Variants in PRKCZ observed in about 807,000 individuals in gnomAD.
The protein encoded by PRKCZ is protein kinase C zeta type.
Under a neutral mutation model 79.5 loss-of-function variants are expected in PRKCZ, and 33 were observed. The observed-to-expected ratio is 0.41, with a 90% CI of 0.31 to 0.55. PRKCZ has a LOEUF of 0.55. PRKCZ is among the 20% of genes least tolerant of loss of function. The probability of loss-of-function intolerance (pLI) is 0.19; values close to 1 mark genes in which losing one functional copy is unlikely to be tolerated. For synonymous variants in PRKCZ, 342 were observed against 320.9 expected, an observed-to-expected ratio of 1.07 and a Z score of -0.70; for missense variants, 578 against 813.5, an observed-to-expected ratio of 0.71 and a Z score of 3.52.
chr1:2,137,503 C>G (rs1265645916), intron 5 of PRKCZ, among the ~76,000 whole-genome samples: 1 of 152,248 alleles, frequency 6.6e-6, no homozygotes. Context: ...GCCCTCCTTC[C>G]CCCGCAGCCA....
At chr1:2,074,032 T>C in intron 4 of PRKCZ, 1 of 1,433,464 alleles carries the variant, frequency 7.0e-7, no homozygotes, top group Non-Finnish European at 9.1e-7. Flanking sequence ...GAGTCAGCAT[T>C]TTGGGTCTGA....
At chr1:2,107,545 T>G (rs1387574794) in intron 4 of PRKCZ, among the ~76,000 whole-genome samples, 1 of 152,208 alleles carries the variant, frequency 6.6e-6, no homozygotes, top group Non-Finnish European at 1.5e-5. Flanking sequence ...GGGGCTTTTT[T>G]GGGATCAGTT....
chr1:2,127,223 C>T lies in PRKCZ; in HGVS notation c.335-8039C>T, dbSNP rs1674091957. 6.6e-6 allele frequency among the ~76,000 whole-genome samples: 1 copy of T among 152,266 alleles called. No homozygotes were observed. The highest frequency in any genetic ancestry group is 1.5e-5 in the Non-Finnish European group (1 of 68,050). ...GCCACAGTGGTGCCCAAAACCTTTT[C>T]CAAGTCGTCTTCTGTGACTTTAGTG... On this transcript the variant is annotated intron_variant, in intron 4 of 17. Transcript: ENST00000378567. The surrounding 1 kb of genome is among the most constrained non-coding windows in gnomAD (Gnocchi z 5.1).
At chr1:2,179,395 C>T (rs1364419859) in intron 16 of PRKCZ, among the ~76,000 whole-genome samples, 1 of 152,218 alleles carries the variant, frequency 6.6e-6, no homozygotes, top group Non-Finnish European at 1.5e-5. Flanking sequence ...TCCCCATCCC[C>T]GCAGGATCCC....
At chr1:2,175,156 C>G (rs971833560) in intron 15 of PRKCZ, 68 bp from the exon 16 acceptor site, 3 of 1,400,790 alleles carry the variant, frequency 2.1e-6, no homozygotes, top group Admixed American at 1.7e-5. Flanking sequence ...GAGTGGCCAC[C>G]AAGGAGAGGG....
intron 4 of PRKCZ, among the ~76,000 whole-genome samples, chr1:2,089,842 A>G (rs1321153850): frequency 6.6e-6 from 1 of 151,906 alleles, no homozygotes; most frequent in Non-Finnish European, 1.5e-5. Context: ...CGGTGGGAGG[A>G]CCTCTTGAGT....
intron 10 of PRKCZ, among the ~76,000 whole-genome samples, chr1:2,157,050 C>T (rs1681199236): frequency 6.6e-6 from 1 of 152,216 alleles, no homozygotes; most frequent in Admixed American, 6.5e-5. Flanking sequence ...GCTTGAAGGC[C>T]TGAGAGCCAG....
In PRKCZ at chr1:2,174,108, T is replaced by C; in HGVS notation, c.1405+92T>C. The C allele has an allele frequency of 6.9e-7, 1 of 1,442,958 alleles. No homozygotes were observed. The highest frequency in any genetic ancestry group is 1.4e-5 in the South Asian group (1 of 71,526). The allele number at this position is 1,442,958 out of a possible 1,614,324, so 89.4% of individuals were successfully genotyped here. A position where few individuals can be genotyped will look rare whatever the true frequency, so the allele number is the denominator to read the frequency against. ...CAGGTGGAGGGGTCCCGCGGGTGCC[T>C]GGAGCGGCAGTGCCATGCAAAGCGT... is the stretch of plus-strand genomic sequence containing the variant. On this transcript the variant is annotated intron_variant, in intron 14 of 17. Coordinates refer to ENST00000378567, the MANE Select transcript of PRKCZ (RefSeq NM_002744.6). The surrounding 1 kb of genome is among the most constrained non-coding windows in gnomAD (Gnocchi z 6.2).
chr1:2,109,136 A>G (rs1669202776), intron 4 of PRKCZ, among the ~76,000 whole-genome samples: 1 of 152,186 alleles, frequency 6.6e-6, no homozygotes, highest in African/African-American at 2.4e-5. Flanking sequence ...ATCGTCTGCA[A>G]AGTCCCGTAT....
At chr1:2,155,271 GTGGTGGTGATGATGA>G (rs1232908494) in intron 9 of PRKCZ, among the ~76,000 whole-genome samples, 7 of 147,258 alleles carry the variant, frequency 4.8e-5, no homozygotes, top group Non-Finnish European at 8.9e-5. Context: ...GAGGATGACG[GTGGTGGTGATGATGA>G]TGGTAGTGGT....
At chr1:2,058,306 ATTT>A (rs35722361) in intron 3 of PRKCZ, among the ~76,000 whole-genome samples, 14 of 125,320 alleles carry the variant, frequency 1.1e-4, no homozygotes, top group African/African-American at 2.5e-4. Context: ...CCCGGCCCCA[ATTT>A]TTTTTTTTTT....
rs1214720514 is a variant in PRKCZ at position 2,177,052 on chromosome 1, T to C, written c.1575+1739T>C. The stretch of plus-strand genomic sequence containing the variant: ...GAAGAGATCTGCCTTTGGTTCTAAC[T>C]GTCAGTCATCCTCACGCCCAGGCCG... On this transcript the variant is annotated intron_variant, in intron 16 of 17. Transcript: ENST00000378567. The surrounding 1 kb of genome is among the most constrained non-coding windows in gnomAD (Gnocchi z 6.4). Among the ~76,000 whole-genome samples the C allele has an allele frequency of 6.6e-6, 1 of 152,234 alleles. No homozygotes were observed. The highest frequency in any genetic ancestry group is 1.5e-5 in the Non-Finnish European group (1 of 68,030).
intron 11 of PRKCZ, chr1:2,171,728 C>T (rs529875347): frequency 9.6e-6 from 3 of 312,304 alleles, no homozygotes; most frequent in Non-Finnish European, 1.8e-5. Context: ...CTGTTCTGCA[C>T]TCCTACCACA....
intron 4 of PRKCZ, among the ~76,000 whole-genome samples, chr1:2,069,087 C>T (rs558083159): frequency 2.7e-4 from 41 of 152,362 alleles, no homozygotes; most frequent in African/African-American, 7.9e-4. Context: ...ACATCTTGAA[C>T]GGCGTCCGTT....
intron 4 of PRKCZ, among the ~76,000 whole-genome samples, chr1:2,130,780 T>C (rs1674798151): frequency 6.6e-6 from 1 of 152,048 alleles, no homozygotes; most frequent in Non-Finnish European, 1.5e-5. Flanking sequence ...CTCACCCTCA[T>C]GGAAACATCC....
intron 10 of PRKCZ, among the ~76,000 whole-genome samples, chr1:2,158,161 T>A (rs1341371088): frequency 6.6e-6 from 1 of 152,218 alleles, no homozygotes; most frequent in Non-Finnish European, 1.5e-5. Flanking sequence ...GGTTCCTGTT[T>A]TCTGGCTGCT....
At chr1:2,099,804 A>G (rs969752199) in intron 4 of PRKCZ, among the ~76,000 whole-genome samples, 1 of 152,200 alleles carries the variant, frequency 6.6e-6, no homozygotes, top group African/African-American at 2.4e-5. Context: ...TCCCGTTCCA[A>G]TTAAACAGGT....
At chr1:2,055,320 CAT>C (rs1660065028) in intron 1 of PRKCZ, 119 bp from the exon 2 acceptor site, 9 of 1,253,294 alleles carry the variant, frequency 7.2e-6, no homozygotes, top group Middle Eastern at 3.9e-4. Context: ...GTGGGGCTGT[CAT>C]ATTGTCTTTG....
intron 4 of PRKCZ, among the ~76,000 whole-genome samples, chr1:2,062,378 C>T (rs1214981701): frequency 6.6e-6 from 1 of 152,080 alleles, no homozygotes; most frequent in Non-Finnish European, 1.5e-5. Flanking sequence ...GGCTTTCACC[C>T]GCCTGACCTT....
Sources: gnomAD v4.1 joint callset for allele counts (sites outside exome capture counted in the v4.1 genomes callset) on GRCh38, gnomAD v4.1.1 for gene constraint, Gnocchi (gnomAD v3.1) non-coding constraint, MANE v1.5 for transcripts, NCBI Gene and HGNC (gene_info 2026-07-23, HGNC 2026-07-21) for gene names.